ANKRD36C: variants seen among roughly 807,000 people sequenced by gnomAD.
ANKRD36C encodes ankyrin repeat domain-containing protein 36C.
In ANKRD36C, 61 loss-of-function variants were observed where a neutral mutation model predicts 276.4. That is an observed-to-expected ratio of 0.22 (90% confidence interval 0.18 to 0.27). The LOEUF (loss-of-function observed/expected upper bound fraction) is 0.27, where lower values mean the gene tolerates loss of function less well. Ranked by LOEUF, ANKRD36C falls within the 10% of genes least tolerant of loss-of-function variation. The probability of loss-of-function intolerance (pLI) is 1.00; values close to 1 mark genes in which losing one functional copy is unlikely to be tolerated. For missense variants in ANKRD36C, 1,447 were observed against 2,032.3 expected (o/e 0.71, Z 5.54); for synonymous variants, 483 against 680.1 (o/e 0.71, Z 4.51).
chr2:95,862,245 G>A (rs1010886394), intron 60 of ANKRD36C, among the ~76,000 whole-genome samples: 21 of 151,940 alleles, frequency 1.4e-4, no homozygotes, highest in Non-Finnish European at 3.1e-4. Context: ...AGTACCCACG[G>A]AACACTTACC....
chr2:95,907,780 A>T lies in ANKRD36C; in HGVS notation c.2653+4464T>A, dbSNP rs535961594. 1.9e-4 allele frequency among the ~76,000 whole-genome samples: 29 copies of T among 149,960 alleles called. 1 individual carries two copies. The highest frequency in any genetic ancestry group is 1.5e-3 in the Admixed American group (23 of 15,112). ...GGAAACAAATTTATTCATATTCAAG[A>T]TTATCTCATTTTTATAACTAAAATC... On this transcript the variant is annotated intron_variant, in intron 42 of 66. Coordinates refer to ENST00000456556, the Ensembl canonical transcript of ANKRD36C.
intron 6 of ANKRD36C, among the ~76,000 whole-genome samples, chr2:95,977,306 T>C (rs1352899323): frequency 6.6e-6 from 1 of 152,192 alleles, no homozygotes; most frequent in African/African-American, 2.4e-5. Flanking sequence ...GCTTCTGCTT[T>C]ATATTTCTAC....
At chr2:95,883,212 T>C (rs1676127141) in intron 54 of ANKRD36C, among the ~76,000 whole-genome samples, 1 of 152,100 alleles carries the variant, frequency 6.6e-6, no homozygotes, top group Admixed American at 6.6e-5. Flanking sequence ...TGATCAAATT[T>C]GACATACTTA....
intron 1 of ANKRD36C, among the ~76,000 whole-genome samples, chr2:95,988,399 TAA>T (rs1165584980): frequency 1.4e-4 from 20 of 142,934 alleles, no homozygotes; most frequent in Non-Finnish European, 7.7e-5. Flanking sequence ...TGCTTTTGTT[TAA>T]AAAAAAAAAA....
At chr2:95,860,912 G>A (rs1042467149) in intron 60 of ANKRD36C, among the ~76,000 whole-genome samples, 37 of 152,212 alleles carry the variant, frequency 2.4e-4, no homozygotes, top group African/African-American at 8.2e-4. Flanking sequence ...GTGCTTGTGT[G>A]CTAGGAAACT....
At chr2:95,966,700 G>A (rs2104514930) in intron 6 of ANKRD36C, among the ~76,000 whole-genome samples, 1 of 152,250 alleles carries the variant, frequency 6.6e-6, no homozygotes, top group African/African-American at 2.4e-5. Flanking sequence ...ATTCTGTGAA[G>A]AAAGTCAATG....
chr2:95,888,213 C>T, intron 48 of ANKRD36C, 93 bp from the exon 69 acceptor site: 2 of 1,578,292 alleles, frequency 1.3e-6, no homozygotes, highest in East Asian at 4.6e-5. Context: ...ATGTATCTTC[C>T]TGCCTGTATT....
rs766791198 is a variant in ANKRD36C, at chr2:95,914,071, C to T, written c.2551+37G>A. ...AGGGAAGAGAATTTCTTATCTATCT[C>T]GACTGATCATGACATTAAATCTCTT... On this transcript the variant is annotated intron_variant, in intron 40 of 66. Coordinates refer to ENST00000456556, the Ensembl canonical transcript of ANKRD36C. 2.8e-5 allele frequency: 43 copies of T among 1,521,934 alleles called. No homozygotes were observed. In the African/African-American group the frequency reaches 4.7e-4, roughly 17 times the overall value. The allele number at this position is 1,521,934 out of a possible 1,614,324, so 94.3% of individuals were successfully genotyped here.
intron 62 of ANKRD36C, among the ~76,000 whole-genome samples, 183 bp from the exon 83 acceptor site, chr2:95,856,363 T>C (rs1675411843): frequency 1.3e-5 from 2 of 152,134 alleles, no homozygotes; most frequent in African/African-American, 4.8e-5. Flanking sequence ...TTCCCCAAAG[T>C]TCAAAAGTTT....
chr2:95,914,551 A>G (rs184895725), intron 38 of ANKRD36C, among the ~76,000 whole-genome samples: 1 of 151,552 alleles, frequency 6.6e-6, no homozygotes, highest in Admixed American at 6.6e-5. Flanking sequence ...AAACTAAAAT[A>G]AAACCGTGTC....
At chr2:95,944,383 A>G (rs530782947) in intron 19 of ANKRD36C, among the ~76,000 whole-genome samples, 22 of 152,292 alleles carry the variant, frequency 1.4e-4, no homozygotes, top group Admixed American at 9.2e-4. Context: ...TCCCATGCAT[A>G]TATTTCCCTT....
At chr2:95,973,106 G>T (rs1410402667) in intron 6 of ANKRD36C, among the ~76,000 whole-genome samples, 1 of 151,834 alleles carries the variant, frequency 6.6e-6, no homozygotes, top group East Asian at 1.9e-4. Context: ...AACAGAGTGA[G>T]ACCCTGTCTC....
intron 38 of ANKRD36C, among the ~76,000 whole-genome samples, chr2:95,914,671 T>C (rs958165457): frequency 3.3e-5 from 5 of 151,616 alleles, no homozygotes; most frequent in African/African-American, 9.6e-5. Context: ...TGATCCCACA[T>C]GTCTTTCACA....
Position 95,921,513 on chromosome 2 carries a change from G to GCC in ANKRD36C, c.2245+92_2245+93dup, listed in dbSNP as rs908700324. ...GAATCAGAATGTGCAGCTTCGGCGA[G>GCC]CCCCCCCACCTGCCCTCCACTGATT... On this transcript the variant is annotated intron_variant, in intron 34 of 66. Transcript: ENST00000456556. The GCC allele has an allele frequency of 5.4e-6, 8 of 1,492,670 alleles. No homozygotes were observed. The African/African-American group carries it at 5.7e-5, about 11-fold the overall frequency. 92.5% of individuals were successfully genotyped at this position (1,492,670 alleles called of 1,614,324 possible). A position where few individuals can be genotyped will look rare whatever the true frequency, so the allele number is the denominator to read the frequency against.
At chr2:95,908,644 A>T (rs1187473200) in intron 42 of ANKRD36C, 25 bp downstream of exon 47, 2 of 1,565,350 alleles carry the variant, frequency 1.3e-6, no homozygotes, top group South Asian at 1.2e-5. Context: ...TTACTAGTTC[A>T]CAACATAAAT....
At chr2:95,896,838 T>C (rs1676565049) in intron 44 of ANKRD36C, among the ~76,000 whole-genome samples, 1 of 150,016 alleles carries the variant, frequency 6.7e-6, no homozygotes, top group Non-Finnish European at 1.5e-5. Context: ...AAATAGTTGC[T>C]ACACCAGGGG....
At chr2:95,938,548 A>G (rs998258841) in intron 22 of ANKRD36C, among the ~76,000 whole-genome samples, 3 of 152,182 alleles carry the variant, frequency 2.0e-5, no homozygotes, top group Non-Finnish European at 4.4e-5. Flanking sequence ...GTGTCAAAAT[A>G]CACCTACTCA....
At chr2:95,925,306 T>C (rs1337396362) in intron 30 of ANKRD36C, 46 bp downstream of exon 30, 1 of 1,550,246 alleles carries the variant, frequency 6.5e-7, no homozygotes, top group Non-Finnish European at 8.7e-7. Flanking sequence ...GGACGTTCTC[T>C]TCTGTCTTGA....
intron 59 of ANKRD36C, among the ~76,000 whole-genome samples, chr2:95,873,749 C>T (rs1159782699): frequency 1.3e-5 from 2 of 152,224 alleles, no homozygotes; most frequent in Non-Finnish European, 2.9e-5. Context: ...TCCCTGTTTG[C>T]AGATGACATG....
Sources: gnomAD v4.1 joint callset for allele counts (sites outside exome capture counted in the v4.1 genomes callset) on GRCh38, gnomAD v4.1.1 for gene constraint, MANE v1.5 for transcripts, NCBI Gene and HGNC (gene_info 2026-07-23, HGNC 2026-07-21) for gene names.